MNAT1: variants seen among roughly 807,000 people sequenced by gnomAD.
MNAT1 encodes the protein MNAT1 component of CDK activating kinase, also known as CDK-activating kinase assembly factor MAT1.
In MNAT1, 43 loss-of-function variants were observed where a neutral mutation model predicts 42.0. The observed-to-expected ratio is 1.02, with a 90% CI of 0.80 to 1.32. The LOEUF (loss-of-function observed/expected upper bound fraction) is 1.32. MNAT1 is among the 40% of genes most tolerant of loss of function. The probability of loss-of-function intolerance (pLI) is 0.00; values close to 1 mark genes in which losing one functional copy is unlikely to be tolerated. For synonymous variants in MNAT1, 118 were observed against 120.0 expected, an observed-to-expected ratio of 0.98 and a Z score of 0.11; for missense variants, 306 against 350.4, an observed-to-expected ratio of 0.87 and a Z score of 1.01.
chr14:60,869,109 G>T (rs992188271), intron 6 of MNAT1, among the ~76,000 whole-genome samples: 1 of 146,600 alleles, frequency 6.8e-6, no homozygotes, highest in Admixed American at 6.8e-5. Context: ...CATGATCTCG[G>T]CTCACTGCAA....
At chr14:60,834,577 A>G (rs1024008700) in intron 6 of MNAT1, among the ~76,000 whole-genome samples, 2 of 152,156 alleles carry the variant, frequency 1.3e-5, no homozygotes, top group African/African-American at 4.8e-5. Context: ...TTAACTTCCA[A>G]TTATGCAGTC....
intron 1 of MNAT1, among the ~76,000 whole-genome samples, chr14:60,755,960 T>C (rs1305576867): frequency 6.6e-6 from 1 of 152,182 alleles, no homozygotes; most frequent in Non-Finnish European, 1.5e-5. Context: ...TTTCTAAAAA[T>C]GTATCTCTGT....
intron 1 of MNAT1, among the ~76,000 whole-genome samples, chr14:60,744,537 T>C (rs935080111): frequency 1.2e-4 from 18 of 152,224 alleles, no homozygotes; most frequent in African/African-American, 4.1e-4. Flanking sequence ...GGTGGTATAT[T>C]ATAGAGATTC....
chr14:60,781,953 TTG>T lies in MNAT1; in HGVS notation c.90-14245_90-14244del, dbSNP rs61229600. Among the ~76,000 whole-genome samples the T allele has an allele frequency of 2.3e-3, 332 of 146,012 alleles. 1 individual carries two copies. Among genetic ancestry groups the T allele is most frequent in the African/African-American group, 7.9e-3 (316 of 40,036 alleles). ...ATTTCCATGTATGCATGGATTTTGT[TTG>T]TGTGTGTGTGTGTGTGTGATTTTTT... On this transcript the variant is annotated intron_variant, in intron 1 of 7. Coordinates refer to ENST00000261245, the MANE Select transcript of MNAT1 (RefSeq NM_002431.4).
chr14:60,796,462 A>T, intron 2 of MNAT1, 93 bp downstream of exon 2: 1 of 1,133,556 alleles, frequency 8.8e-7, no homozygotes, highest in Non-Finnish European at 1.2e-6. Flanking sequence ...ATGTGGACAG[A>T]TTAGCAAGTA....
intron 7 of MNAT1, among the ~76,000 whole-genome samples, chr14:60,931,216 C>G (rs1566564070): frequency 1.3e-5 from 2 of 152,114 alleles, no homozygotes. Context: ...GCTTGAGTGT[C>G]TGGATGGCTC....
chr14:60,872,917 C>T (rs1330836264), intron 6 of MNAT1, among the ~76,000 whole-genome samples: 2 of 151,520 alleles, frequency 1.3e-5, no homozygotes, highest in Non-Finnish European at 2.9e-5. Flanking sequence ...AAGTAAATTA[C>T]AATTTCCATG....
At chr14:60,755,747 A>T (rs767533842) in intron 1 of MNAT1, among the ~76,000 whole-genome samples, 1 of 152,218 alleles carries the variant, frequency 6.6e-6, no homozygotes, top group Non-Finnish European at 1.5e-5. Flanking sequence ...CAGCAGATGA[A>T]GTAATTGGCT....
intron 1 of MNAT1, among the ~76,000 whole-genome samples, chr14:60,749,340 G>A (rs1385923244): frequency 6.6e-6 from 1 of 152,152 alleles, no homozygotes; most frequent in African/African-American, 2.4e-5. Flanking sequence ...ATCTAAAGTA[G>A]TAGTTCATTA....
At chr14:60,911,856 G>C (rs1469033638) in intron 7 of MNAT1, among the ~76,000 whole-genome samples, 1 of 151,888 alleles carries the variant, frequency 6.6e-6, no homozygotes, top group Non-Finnish European at 1.5e-5. Flanking sequence ...GCAGAGCTGA[G>C]TTCAATTCCT....
rs1413633295 is a variant in MNAT1 at position 60,869,107 on chromosome 14, C to T, written c.688-10607C>T. ...AGGCTGGAGTGCAGTGGCATGATCT[C>T]GGCTCACTGCAACCTCCACCTCCCG... is the stretch of plus-strand genomic sequence containing the variant. On this transcript the variant is annotated intron_variant, in intron 6 of 7. Transcript: ENST00000261245. Among the ~76,000 whole-genome samples the T allele has an allele frequency of 1.5e-4, 22 of 143,532 alleles. No homozygotes were observed. The South Asian group carries it at 2.0e-3, about 13-fold the overall frequency. 94.2% of individuals were successfully genotyped at this position (143,532 alleles called of 152,430 possible).
chr14:60,800,727 C>T (rs1344269977), intron 3 of MNAT1, among the ~76,000 whole-genome samples: 3 of 152,108 alleles, frequency 2.0e-5, no homozygotes, highest in Non-Finnish European at 4.4e-5. Context: ...GTGTGTGTTT[C>T]TCTCCTTTAA....
chr14:60,787,500 T>C (rs932058700), intron 1 of MNAT1, among the ~76,000 whole-genome samples: 1 of 152,176 alleles, frequency 6.6e-6, no homozygotes, highest in South Asian at 2.1e-4. Flanking sequence ...GTGGCCTTGG[T>C]GATTTCTTAA....
intron 6 of MNAT1, among the ~76,000 whole-genome samples, chr14:60,846,213 T>C (rs1036881774): frequency 2.0e-5 from 3 of 152,138 alleles, no homozygotes; most frequent in Admixed American, 2.0e-4. Context: ...TGAGTATTCC[T>C]AGAAATTGGT....
At chr14:60,754,762 A>G (rs2030265679) in intron 1 of MNAT1, among the ~76,000 whole-genome samples, 1 of 152,206 alleles carries the variant, frequency 6.6e-6, no homozygotes, top group Admixed American at 6.5e-5. Context: ...GGGGGAATCT[A>G]GTAGTATTGT....
intron 7 of MNAT1, among the ~76,000 whole-genome samples, chr14:60,947,969 T>A (rs1251390138): frequency 1.3e-5 from 2 of 152,214 alleles, no homozygotes; most frequent in Non-Finnish European, 2.9e-5. Context: ...TTAAGGCCTG[T>A]AGAGCTGTAG....
intron 1 of MNAT1, among the ~76,000 whole-genome samples, chr14:60,763,979 A>G (rs948815374): frequency 2.0e-5 from 3 of 152,150 alleles, no homozygotes; most frequent in African/African-American, 7.2e-5. Context: ...TTCCATGACA[A>G]TTGCTTACTG....
chr14:60,738,080 C>A (rs1165846610), intron 1 of MNAT1, among the ~76,000 whole-genome samples: 216 of 115,450 alleles, frequency 1.9e-3, no homozygotes, highest in East Asian at 3.8e-3. Context: ...CCCTATCTTA[C>A]AAAAAAAAAA....
At chr14:60,890,230 A>C (rs1057127096) in intron 7 of MNAT1, among the ~76,000 whole-genome samples, 7 of 152,250 alleles carry the variant, frequency 4.6e-5, no homozygotes, top group Non-Finnish European at 1.0e-4. Flanking sequence ...GAGCGGATTA[A>C]GAAAATGTGG....
Sources: gnomAD v4.1 joint callset for allele counts (sites outside exome capture counted in the v4.1 genomes callset) on GRCh38, gnomAD v4.1.1 for gene constraint, MANE v1.5 for transcripts, NCBI Gene and HGNC (gene_info 2026-07-23, HGNC 2026-07-21) for gene names.